FBXO15: variants seen among roughly 807,000 people sequenced by gnomAD.
FBXO15 encodes the protein F-box only protein 15.
Under a neutral mutation model 49.5 loss-of-function variants are expected in FBXO15, and 30 were observed. The ratio of observed to expected loss-of-function variants is 0.61; its 90% CI spans 0.45 to 0.82. FBXO15 has a LOEUF of 0.82. Ranked by LOEUF, FBXO15 falls within the 40% of genes least tolerant of loss-of-function variation. FBXO15 has a pLI of 0.00. For missense variants in FBXO15, 591 were observed against 631.5 expected, an observed-to-expected ratio of 0.94 and a Z score of 0.69; for synonymous variants, 250 against 232.7, an observed-to-expected ratio of 1.07 and a Z score of -0.68.
chr18:74,118,803 G>A (rs1914351241), intron 8 of FBXO15, among the ~76,000 whole-genome samples: 1 of 152,154 alleles, frequency 6.6e-6, no homozygotes, highest in African/African-American at 2.4e-5. Context: ...TTTTATTTGT[G>A]TAGCCAAGTA....
chr18:74,116,543 T>C (rs1327663548), intron 8 of FBXO15, among the ~76,000 whole-genome samples: 2 of 152,144 alleles, frequency 1.3e-5, no homozygotes, highest in Non-Finnish European at 2.9e-5. Flanking sequence ...TATGTCATAG[T>C]TGAAGTTTTA....
intron 8 of FBXO15, among the ~76,000 whole-genome samples, chr18:74,120,175 A>C (rs145057161): frequency 6.6e-6 from 1 of 152,232 alleles, no homozygotes; most frequent in African/African-American, 2.4e-5. Context: ...AGTGTTCATG[A>C]ATATAACAGA....
rs1568175467 is a variant in FBXO15, at chr18:74,125,990, C to T, written c.897G>A (p.Leu299=). The part of the protein sequence containing the change: ...IRIFCLHPGL[L]VGVWKKEEEL... ...CAAGTCTTACCTTCCACACTCCCAC[C>T]AGGAGGCCAGGGTGCAGGCAGAAGA... Residue 299 remains leucine, a synonymous_variant, in exon 6 of 10, where the codon CTG becomes CTA. Transcript: ENST00000419743. 2 of 1,613,994 alleles carry T rather than the reference C, an allele frequency of 1.2e-6. No individual in the cohort carries two copies. Among genetic ancestry groups the T allele is most frequent in the East Asian group, 2.2e-5 (1 of 44,886 alleles).
At chr18:74,134,343 T>C (rs1030307693) in intron 3 of FBXO15, among the ~76,000 whole-genome samples, 2 of 151,698 alleles carry the variant, frequency 1.3e-5, no homozygotes, top group Admixed American at 6.6e-5. Context: ...GGAACTTGAC[T>C]ATTCATTAGT....
At chr18:74,100,836 C>A (rs6566785) in intron 8 of FBXO15, among the ~76,000 whole-genome samples, 7,266 of 152,140 alleles carry the variant, frequency 0.048, 596 homozygotes, top group African/African-American at 0.16. Flanking sequence ...CGGAAAGATA[C>A]AACCCTCCTA....
intron 4 of FBXO15, among the ~76,000 whole-genome samples, 180 bp downstream of exon 4, chr18:74,130,235 GT>G (rs1978322335): frequency 6.6e-6 from 1 of 152,130 alleles, no homozygotes; most frequent in African/African-American, 2.4e-5. Flanking sequence ...CTGATCTGCA[GT>G]TGGTTGAATC....
chr18:74,084,981 T>C (rs2145113125), intron 8 of FBXO15, among the ~76,000 whole-genome samples: 1 of 152,094 alleles, frequency 6.6e-6, no homozygotes, highest in East Asian at 1.9e-4. Context: ...CTAAAGACTG[T>C]CAAGTGCATT....
intron 8 of FBXO15, among the ~76,000 whole-genome samples, chr18:74,096,092 G>T (rs1599146033): frequency 1.3e-5 from 2 of 152,222 alleles, no homozygotes; most frequent in East Asian, 1.9e-4. Context: ...GATTAAGGTG[G>T]ACAACCAGCT....
Position 74,123,499 on chromosome 18 carries a change from A to C in FBXO15, c.1007T>G (p.Leu336Arg), listed in dbSNP as rs748696206. Residue 336 changes from leucine (L) to arginine (R), a missense_variant, in exon 8 of 10, where the codon CTG becomes CGG. Physicochemically the swap from Leu to Arg is moderately radical, Grantham distance 102. Coordinates refer to ENST00000419743, the MANE Select transcript of FBXO15 (RefSeq NM_001142958.2). Reference sequence around the variant, plus strand: ...ATCCAAAAAGGGGCTATGTGGAGGCAGTTCATAGGGGCTGAAAAGCAAAAC... The same window carrying C: ...ATCCAAAAAGGGGCTATGTGGAGGCCGTTCATAGGGGCTGAAAAGCAAAAC... ...TLGSATIPYELPPHSPFLDDS... is the reference protein window; with the variant it reads ...TLGSATIPYERPPHSPFLDDS... The C allele has an allele frequency of 3.1e-6, 5 of 1,601,218 alleles. No homozygotes were observed. The highest frequency in any genetic ancestry group is 4.2e-6 in the Non-Finnish European group (5 of 1,176,950).
rs1978315328 is a variant in FBXO15 at position 74,129,669 on chromosome 18, C to T, written c.576-55G>A. The T allele has an allele frequency of 2.0e-5, 28 of 1,387,672 alleles. No homozygotes were observed. In the South Asian group the frequency reaches 3.2e-4, roughly 16 times the overall value. The allele number at this position is 1,387,672 out of a possible 1,614,324, so 86.0% of individuals were successfully genotyped here. A position where few individuals can be genotyped will look rare whatever the true frequency, so the allele number is the denominator to read the frequency against. The stretch of plus-strand genomic sequence containing the variant: ...TTGCCTCATTGAAAAAAAAAAAATG[C>T]TAAAGGCAATTTCATGTATCTTCTC... On this transcript the variant is annotated intron_variant, in intron 4 of 9. Coordinates refer to ENST00000419743, the MANE Select transcript of FBXO15 (RefSeq NM_001142958.2).
chr18:74,137,992 C>A (rs899560418), intron 2 of FBXO15, among the ~76,000 whole-genome samples: 1 of 152,072 alleles, frequency 6.6e-6, no homozygotes, highest in Non-Finnish European at 1.5e-5. Context: ...ATCAAAGCAC[C>A]GGTGCTCTAG....
chr18:74,087,107 T>C (rs999336115), intron 8 of FBXO15, among the ~76,000 whole-genome samples: 1 of 152,254 alleles, frequency 6.6e-6, no homozygotes, highest in Non-Finnish European at 1.5e-5. Context: ...AAATACTTTA[T>C]TGCTAAAAAA....
intron 2 of FBXO15, among the ~76,000 whole-genome samples, chr18:74,138,900 C>G (rs1019622052): frequency 6.6e-6 from 1 of 152,194 alleles, no homozygotes; most frequent in Non-Finnish European, 1.5e-5. Flanking sequence ...GCCTGTGTCT[C>G]TCCGTCTTCC....
chr18:74,088,575 T>G (rs541601563), intron 8 of FBXO15, among the ~76,000 whole-genome samples: 1 of 152,364 alleles, frequency 6.6e-6, no homozygotes, highest in African/African-American at 2.4e-5. Flanking sequence ...TCTGTTTTTA[T>G]GCAAGTACCA....
chr18:74,091,716 C>G (rs1357256803), intron 8 of FBXO15, among the ~76,000 whole-genome samples: 1 of 152,206 alleles, frequency 6.6e-6, no homozygotes, highest in African/African-American at 2.4e-5. Context: ...TAAAGGCACT[C>G]ATTCTTTTCT....
intron 8 of FBXO15, among the ~76,000 whole-genome samples, chr18:74,109,356 C>T (rs1367818705): frequency 6.6e-6 from 1 of 152,106 alleles, no homozygotes; most frequent in Non-Finnish European, 1.5e-5. Flanking sequence ...TATGGAGAAA[C>T]AGGAATGCTT....
intron 8 of FBXO15, among the ~76,000 whole-genome samples, chr18:74,089,544 T>A (rs531839846): frequency 1.3e-5 from 2 of 152,360 alleles, no homozygotes; most frequent in South Asian, 4.1e-4. Context: ...CCATTCAGTA[T>A]AATATTGGTT....
intron 8 of FBXO15, chr18:74,098,059 C>T (rs1913357308): frequency 6.6e-6 from 1 of 151,896 alleles, no homozygotes; most frequent in Non-Finnish European, 1.5e-5. Context: ...AACCACATCC[C>T]TAGGAAAACA....
intron 8 of FBXO15, chr18:74,123,076 C>A: frequency 3.7e-6 from 1 of 269,048 alleles, no homozygotes; most frequent in Non-Finnish European, 6.9e-6. Context: ...CTGGGGAAAG[C>A]AGAGAGCATG....
Sources: gnomAD v4.1 joint callset for allele counts (sites outside exome capture counted in the v4.1 genomes callset) on GRCh38, gnomAD v4.1.1 for gene constraint, MANE v1.5 for transcripts, NCBI Gene and HGNC (gene_info 2026-07-23, HGNC 2026-07-21) for gene names.